Variants in CCDC110 observed in about 807,000 individuals in gnomAD.
CCDC110 encodes the protein coiled-coil domain-containing protein 110.
In CCDC110, 70 loss-of-function variants were observed where a neutral mutation model predicts 77.1. The ratio of observed to expected loss-of-function variants is 0.91; its 90% CI spans 0.75 to 1.11. The LOEUF (loss-of-function observed/expected upper bound fraction) is 1.11, where lower values mean the gene tolerates loss of function less well. CCDC110 is among the 50% of genes least tolerant of loss of function. CCDC110 has a pLI of 0.00. For synonymous variants in CCDC110, 295 were observed against 312.5 expected (o/e 0.94, Z 0.59); for missense variants, 868 against 942.9 (o/e 0.92, Z 1.04).
At chr4:185,463,388 C>T (rs938136290) in intron 2 of CCDC110, among the ~76,000 whole-genome samples, 2 of 152,092 alleles carry the variant, frequency 1.3e-5, no homozygotes, top group South Asian at 4.1e-4. Context: ...TATGGGAGAC[C>T]CTTGGCAAAG....
Position 185,459,479 on chromosome 4 carries a change from C to T in CCDC110, c.1108G>A (p.Asp370Asn), listed in dbSNP as rs2095642065. The T allele has an allele frequency of 1.6e-5, 26 of 1,613,452 alleles. No homozygotes were observed. The highest frequency in any genetic ancestry group is 2.0e-5 in the Non-Finnish European group (24 of 1,179,718). ...EIPITGKNIT[D>N]LKFHSRVPRY... Reference sequence around the variant, plus strand: ...GGAACTCTGGAATGGAATTTTAAATCTGTAATATTTTTGCCAGTGATGGGA... The same window carrying T: ...GGAACTCTGGAATGGAATTTTAAATTTGTAATATTTTTGCCAGTGATGGGA... Residue 370 changes from aspartate to asparagine, a missense_variant, in exon 6 of 7, where the codon GAT (aspartate) becomes AAT (asparagine). Coordinates refer to ENST00000307588, the MANE Select transcript of CCDC110 (RefSeq NM_152775.4).
chr4:185,450,210 C>T (rs2095626754), intron 6 of CCDC110, among the ~76,000 whole-genome samples: 1 of 152,162 alleles, frequency 6.6e-6, no homozygotes, highest in East Asian at 1.9e-4. Context: ...TGTAAAGCAT[C>T]AGGTTATTTA....
chr4:185,459,015 A>G lies in CCDC110; in HGVS notation c.1572T>C (p.Thr524=). 6.3e-7 allele frequency: 1 copy of G among 1,594,198 alleles called. No homozygotes were observed. Among genetic ancestry groups the G allele is most frequent in the Non-Finnish European group, 8.5e-7 (1 of 1,174,170 alleles). The change falls in exon 6 of 7, where the codon ACT becomes ACC. Residue 524 remains threonine, a synonymous_variant. Coordinates refer to ENST00000307588, the MANE Select transcript of CCDC110 (RefSeq NM_152775.4). ...AAAGTTGTATATTTTTTTCCTCTAGAGTTTTATTTTGGCCTTGCAGAACAT... is the reference window on the plus strand; with the variant it reads ...AAAGTTGTATATTTTTTTCCTCTAGGGTTTTATTTTGGCCTTGCAGAACAT... ...KYNVLQGQNK[T]LEEKNIQLSL... is the part of the protein sequence containing the mutation.
At chr4:185,452,498 G>A (rs2095630580) in intron 6 of CCDC110, 2 of 338,468 alleles carry the variant, frequency 5.9e-6, no homozygotes, top group Non-Finnish European at 8.4e-6. Context: ...CCTCAAGAAA[G>A]TTAAGCAGTA....
At chr4:185,467,514 A>C (rs774550371) in intron 2 of CCDC110, among the ~76,000 whole-genome samples, 1 of 152,202 alleles carries the variant, frequency 6.6e-6, no homozygotes, top group Non-Finnish European at 1.5e-5. Flanking sequence ...CACATAAACA[A>C]AGCGGAAGGC....
chr4:185,446,956 A>G (rs34368517), intron 6 of CCDC110, among the ~76,000 whole-genome samples: 94,075 of 151,824 alleles, frequency 0.62, 32,340 homozygotes, highest in East Asian at 0.87. Context: ...GCCTCATGAA[A>G]TACATGTACT....
chr4:185,456,538 A>C (rs2095636302), intron 6 of CCDC110, among the ~76,000 whole-genome samples: 1 of 152,184 alleles, frequency 6.6e-6, no homozygotes, highest in Non-Finnish European at 1.5e-5. Context: ...AGAATCCCCA[A>C]ATTACCAATG....
chr4:185,458,706 T>G lies in CCDC110; in HGVS notation c.1881A>C (p.Gln627His), dbSNP rs776307920. Residue 627 changes from glutamine to histidine, a missense_variant, in exon 6 of 7, where the codon CAA (glutamine) becomes CAC (histidine). By Grantham distance (24) the Gln-to-His change is conservative (BLOSUM62 0). Coordinates refer to ENST00000307588, the MANE Select transcript of CCDC110 (RefSeq NM_152775.4). ...KEKERLAKTE[Q>H]ETLLQIIETV... ...TTTCTATTATTTGAAGAAGTGTCTC[T>G]TGTTCCGTTTTTGCCAATCTTTCTT... 5.9e-5 allele frequency: 94 copies of G among 1,604,288 alleles called. No homozygotes were observed. In the East Asian group the frequency reaches 2.1e-3, roughly 35 times the overall value.
intron 6 of CCDC110, chr4:185,449,589 ATT>A (rs1324436107): frequency 2.6e-6 from 4 of 1,532,478 alleles, no homozygotes; most frequent in Non-Finnish European, 3.5e-6. Context: ...TTATTTTCCA[ATT>A]TTAGGGCACT....
chr4:185,460,269 A>C, intron 5 of CCDC110, 31 bp from the exon 6 acceptor site: 1 of 1,494,450 alleles, frequency 6.7e-7, no homozygotes, highest in Non-Finnish European at 9.0e-7. Flanking sequence ...CTATAAATGT[A>C]TTGTCATTTG....
intron 4 of CCDC110, 55 bp downstream of exon 4, chr4:185,462,588 G>C: frequency 7.4e-7 from 1 of 1,350,616 alleles, no homozygotes; most frequent in Non-Finnish European, 1.1e-6. Context: ...CAGCTTAGAA[G>C]ATGGGATGAT....
At chr4:185,452,987 G>T (rs1047940907) in intron 6 of CCDC110, among the ~76,000 whole-genome samples, 46 of 150,380 alleles carry the variant, frequency 3.1e-4, no homozygotes, top group Non-Finnish European at 1.5e-4. Context: ...TTCATTATCT[G>T]TCATTTGTAT....
At position 185,471,018 on chromosome 4, in the gene CCDC110, G is replaced by A. The variant is rs769624304; in HGVS notation, c.42C>T (p.Asp14=). The change falls in exon 2 of 7, where the codon GAC becomes GAT. Residue 14 remains aspartate, a synonymous_variant. Coordinates refer to ENST00000307588, the MANE Select transcript of CCDC110 (RefSeq NM_152775.4). ...EKQHREEDEV[D]SVLLSASKIL... ...TCTTGGACGCTGAAAGGAGAACGGA[G>A]TCAACTTCATCCTCTTCCCGGTGCT... 1 of 1,597,786 alleles carries A rather than the reference G, an allele frequency of 6.3e-7. No individual in the cohort carries two copies.
In CCDC110 at chr4:185,468,966, C is replaced by T. The variant is rs9995483; in HGVS notation, c.115+1979G>A. Among the ~76,000 whole-genome samples the T allele has an allele frequency of 0.066, 10,084 of 152,188 alleles. 1,035 individuals are homozygous for T. The highest frequency in any genetic ancestry group is 0.22 in the African/African-American group (9,107 of 41,470). ...AGCAGGTGCTCAAAAGAATATGCTC[C>T]ACAAACGAATGAATGAATGAAAGCT... On this transcript the variant is annotated intron_variant, in intron 2 of 6. Transcript: ENST00000307588. This position sits in a 1 kb window ranked among gnomAD's most constrained non-coding sequence, Gnocchi z 4.5.
At chr4:185,467,163 A>G (rs2095657767) in intron 2 of CCDC110, among the ~76,000 whole-genome samples, 1 of 152,222 alleles carries the variant, frequency 6.6e-6, no homozygotes, top group Non-Finnish European at 1.5e-5. Flanking sequence ...TTTTCCCAAT[A>G]GCATTGAGAG....
rs535673017 is a variant in CCDC110 at position 185,459,834 on chromosome 4, C to T, written c.753G>A (p.Glu251=). The T allele has an allele frequency of 6.2e-7, 1 of 1,613,182 alleles. No individual in the cohort carries two copies. The highest frequency in any genetic ancestry group is 1.3e-5 in the African/African-American group (1 of 74,900). Residue 251 remains glutamate (E), a synonymous_variant, in exon 6 of 7, where the codon GAG becomes GAA. Transcript: ENST00000307588. ...ICHSIKQMKE[E]LQKSHDGEVA... ...CTTCCCCATCATGTGACTTTTGAAG[C>T]TCTTCTTTCATTTGTTTGATAGAAT...
At chr4:185,466,661 C>T (rs1338031000) in intron 2 of CCDC110, among the ~76,000 whole-genome samples, 1 of 151,950 alleles carries the variant, frequency 6.6e-6, no homozygotes, top group African/African-American at 2.4e-5. Context: ...CCTCCACCTC[C>T]AAGGCTCAAG....
chr4:185,455,207 A>G (rs559364792), intron 6 of CCDC110, among the ~76,000 whole-genome samples: 4 of 151,918 alleles, frequency 2.6e-5, no homozygotes, highest in African/African-American at 9.7e-5. Context: ...CTAACACTCT[A>G]TTTTGTAACC....
rs1005721555 is a variant in CCDC110, at chr4:185,457,922, A to C, written c.2461+204T>G. On this transcript the variant is annotated intron_variant, in intron 6 of 6. Transcript: ENST00000307588. ...GCCAAACTTGGTTTGTACACATACAATGCACATAATATAAACAAAATAATA... is the reference window on the plus strand; with the variant it reads ...GCCAAACTTGGTTTGTACACATACACTGCACATAATATAAACAAAATAATA... 16 of 637,080 alleles carry C rather than the reference A, an allele frequency of 2.5e-5. No homozygotes were observed. The African/African-American group carries it at 2.9e-4, about 12-fold the overall frequency. 39.5% of individuals were successfully genotyped at this position (637,080 alleles called of 1,614,324 possible).
Sources: allele counts gnomAD v4.1 joint callset (sites outside exome capture counted in the v4.1 genomes callset), GRCh38; gene constraint gnomAD v4.1.1; non-coding constraint Gnocchi (gnomAD v3.1); transcripts MANE v1.5; gene names NCBI Gene and HGNC (gene_info 2026-07-23, HGNC 2026-07-21).